The following LRRIQ1 variants were observed in gnomAD, a reference collection of about 807,000 sequenced individuals.
The protein encoded by LRRIQ1 is leucine-rich repeat- and IQ domain-containing protein 1.
LRRIQ1 carries 210 observed loss-of-function variants against 211.9 expected under a neutral mutation model. That is an observed-to-expected ratio of 0.99 (90% CI 0.89 to 1.11). LRRIQ1 has a LOEUF of 1.11. Ranked by LOEUF, LRRIQ1 falls within the 50% of genes most tolerant of loss-of-function variation. The pLI is 0.00. For missense variants in LRRIQ1, 2,136 were observed against 1,939.5 expected (o/e 1.10, Z -1.90); for synonymous variants, 699 against 650.1 (o/e 1.08, Z -1.14).
intron 24 of LRRIQ1, among the ~76,000 whole-genome samples, chr12:85,180,961 G>A (rs1192346169): frequency 1.3e-5 from 2 of 151,620 alleles, no homozygotes; most frequent in African/African-American, 4.8e-5. Flanking sequence ...TGATAGATAC[G>A]ATGTAGATTC....
chr12:85,266,435 T>C (rs1252884547), downstream of LRRIQ1, among the ~76,000 whole-genome samples: 4 of 152,140 alleles, frequency 2.6e-5, no homozygotes, highest in Non-Finnish European at 5.9e-5. Flanking sequence ...AATCATATGA[T>C]TATGTTTTAT....
intron 24 of LRRIQ1, among the ~76,000 whole-genome samples, chr12:85,196,351 A>C (rs1304527337): frequency 6.6e-6 from 1 of 152,206 alleles, no homozygotes; most frequent in Non-Finnish European, 1.5e-5. Flanking sequence ...GGAATCAAAA[A>C]AGAGCCCACA....
At chr12:85,084,323 G>GA in intron 11 of LRRIQ1, among the ~76,000 whole-genome samples, 1 of 152,118 alleles carries the variant, frequency 6.6e-6, no homozygotes, top group Middle Eastern at 3.4e-3. Context: ...CATAGCATAT[G>GA]AAAAAAGTTG....
intron 8 of LRRIQ1, among the ~76,000 whole-genome samples, chr12:85,063,221 T>A (rs1882054263): frequency 7.4e-6 from 1 of 135,708 alleles, no homozygotes; most frequent in African/African-American, 2.7e-5. Flanking sequence ...CACTTGTCAA[T>A]TTTTTTTTTT....
At chr12:85,132,894 C>T (rs939091510) in intron 18 of LRRIQ1, among the ~76,000 whole-genome samples, 2 of 151,818 alleles carry the variant, frequency 1.3e-5, no homozygotes, top group African/African-American at 2.4e-5. Context: ...GTCATCCAGA[C>T]CATGTGACAT....
chr12:85,081,594 G>A (rs913742127), intron 11 of LRRIQ1, among the ~76,000 whole-genome samples: 6 of 151,934 alleles, frequency 3.9e-5, no homozygotes, highest in African/African-American at 1.4e-4. Flanking sequence ...TGACTTAAAG[G>A]TGTGTGTGTT....
intron 24 of LRRIQ1, among the ~76,000 whole-genome samples, chr12:85,213,319 A>G (rs1037812687): frequency 6.6e-6 from 1 of 152,038 alleles, no homozygotes; most frequent in African/African-American, 2.4e-5. Flanking sequence ...ATAAACTAGT[A>G]TAACACAACC....
chr12:85,053,093 T>A (rs1423310785), intron 7 of LRRIQ1, among the ~76,000 whole-genome samples: 2 of 151,950 alleles, frequency 1.3e-5, no homozygotes, highest in African/African-American at 4.8e-5. Context: ...GATGACACCA[T>A]TAGTGAAATG....
chr12:85,245,060 A>G lies in LRRIQ1; in HGVS notation c.*119A>G, dbSNP rs1442700500. ...GTATTTAAATTTTTTCTTTCTTTAA[A>G]TATCCTCTTTTGATATAAACAAAAT... On this transcript the variant is annotated 3_prime_UTR_variant, in exon 27 of 27. Coordinates refer to ENST00000393217, the MANE Select transcript of LRRIQ1 (RefSeq NM_001079910.2). The G allele has an allele frequency of 4.3e-6, 6 of 1,383,298 alleles. No homozygotes were observed. Among genetic ancestry groups the G allele is most frequent in the South Asian group, 3.3e-5 (2 of 60,296 alleles). 85.7% of individuals were successfully genotyped at this position (1,383,298 alleles called of 1,614,324 possible).
chr12:85,203,427 T>TTGGAACTGGATAAGAGGCAGAGGTGGGA (rs1893396637), intron 24 of LRRIQ1, among the ~76,000 whole-genome samples: 1 of 152,138 alleles, frequency 6.6e-6, no homozygotes, highest in Non-Finnish European at 1.5e-5. Context: ...GGAAGTGACT[T>TTGGAACTGGATAAGAGGCAGAGGTGGGA]TGGAACTGGA....
intron 13 of LRRIQ1, 47 bp downstream of exon 13, chr12:85,099,041 T>C (rs1258007852): frequency 1.5e-6 from 2 of 1,339,726 alleles, no homozygotes; most frequent in Admixed American, 2.3e-5. Flanking sequence ...TTGTTTAAAA[T>C]AAATATGTGA....
intron 24 of LRRIQ1, among the ~76,000 whole-genome samples, chr12:85,208,223 G>C (rs544574174): frequency 1.3e-5 from 2 of 151,884 alleles, no homozygotes; most frequent in South Asian, 4.2e-4. Flanking sequence ...AGAAATGAAA[G>C]TTGATAAGGA....
chr12:85,236,255 A>G (rs912934373), intron 26 of LRRIQ1, among the ~76,000 whole-genome samples: 2 of 152,176 alleles, frequency 1.3e-5, no homozygotes, highest in Non-Finnish European at 2.9e-5. Flanking sequence ...TGGCAAAAAT[A>G]TCAGTTGACT....
chr12:85,050,256 C>T (rs941331291), intron 6 of LRRIQ1, among the ~76,000 whole-genome samples: 1 of 141,062 alleles, frequency 7.1e-6, no homozygotes, highest in East Asian at 1.9e-4. Context: ...CTATTTTTGT[C>T]CCTTTCTTTT....
At chr12:85,136,701 A>C (rs941175594) in intron 18 of LRRIQ1, among the ~76,000 whole-genome samples, 12 of 151,742 alleles carry the variant, frequency 7.9e-5, no homozygotes, top group African/African-American at 2.4e-4. Flanking sequence ...CTTTCTGTAT[A>C]TATATATATT....
chr12:85,079,233 T>A (rs774083633), intron 11 of LRRIQ1, among the ~76,000 whole-genome samples: 39 of 150,968 alleles, frequency 2.6e-4, no homozygotes, highest in Non-Finnish European at 1.0e-4. Context: ...GTTCACATGA[T>A]GTATCTTTAT....
intron 11 of LRRIQ1, among the ~76,000 whole-genome samples, chr12:85,081,181 C>G (rs951682038): frequency 6.6e-6 from 1 of 152,080 alleles, no homozygotes; most frequent in African/African-American, 2.4e-5. Flanking sequence ...ATTGTGACCT[C>G]CTAGGTTTGT....
intron 24 of LRRIQ1, among the ~76,000 whole-genome samples, chr12:85,167,878 T>C (rs1038145450): frequency 4.6e-5 from 7 of 151,514 alleles, no homozygotes; most frequent in Admixed American, 1.3e-4. Flanking sequence ...TAATAATGCC[T>C]AACCTAACGC....
chr12:85,271,570 C>A, the LRRIQ1 span, among the ~76,000 whole-genome samples: 348 of 152,158 alleles, frequency 2.3e-3, 3 homozygotes, highest in South Asian at 4.8e-3. Context: ...CAGAGCTCTT[C>A]TTAATTCTCT....
Sources: allele counts gnomAD v4.1 joint callset (sites outside exome capture counted in the v4.1 genomes callset), GRCh38; gene constraint gnomAD v4.1.1; transcripts MANE v1.5; gene names NCBI Gene and HGNC (gene_info 2026-07-23, HGNC 2026-07-21).